MAF: variants seen among roughly 807,000 people sequenced by gnomAD.
MAF encodes the protein transcription factor Maf.
Under a neutral mutation model 22.0 loss-of-function variants are expected in MAF, and 10 were observed. The ratio of observed to expected loss-of-function variants is 0.45; its 90% CI spans 0.28 to 0.77. The LOEUF (loss-of-function observed/expected upper bound fraction) is 0.77, where lower values mean the gene tolerates loss of function less well. MAF is among the 30% of genes least tolerant of loss of function. The pLI, the probability that MAF is intolerant of heterozygous loss-of-function variation, is 0.12. For missense variants in MAF, 544 were observed against 548.4 expected, an observed-to-expected ratio of 0.99 and a Z score of 0.08; for synonymous variants, 337 against 255.8, an observed-to-expected ratio of 1.32 and a Z score of -3.03.
chr16:79,515,322 T>A, the MAF span, among the ~76,000 whole-genome samples: 1 of 152,236 alleles, frequency 6.6e-6, no homozygotes, highest in South Asian at 2.1e-4. Context: ...GTTCCACTTA[T>A]GGAATTTTTG....
the MAF span, among the ~76,000 whole-genome samples, chr16:79,386,768 T>G: frequency 1.3e-5 from 2 of 152,028 alleles, no homozygotes; most frequent in Non-Finnish European, 2.9e-5. Flanking sequence ...TGCTAGATGG[T>G]GAGATCCAAT....
the MAF span, among the ~76,000 whole-genome samples, chr16:79,572,957 G>C: frequency 6.6e-6 from 1 of 152,204 alleles, no homozygotes; most frequent in Admixed American, 6.5e-5. Flanking sequence ...TCACAATGGT[G>C]TATGGAGACT....
the MAF span, among the ~76,000 whole-genome samples, chr16:79,334,008 A>T: frequency 6.6e-6 from 1 of 152,258 alleles, no homozygotes; most frequent in African/African-American, 2.4e-5. Context: ...CCCATGAGAC[A>T]TCTCACTGTC....
At chr16:79,592,655 A>C (rs185105686), downstream of MAF, among the ~76,000 whole-genome samples, 29 of 152,318 alleles carry the variant, frequency 1.9e-4, no homozygotes, top group Non-Finnish European at 3.5e-4. Flanking sequence ...ACAAACTTCC[A>C]AGTTTCTCTT....
At chr16:79,408,017 G>T in the MAF span, among the ~76,000 whole-genome samples, 10 of 140,696 alleles carry the variant, frequency 7.1e-5, no homozygotes, top group Non-Finnish European at 1.4e-4. Flanking sequence ...TTTTACACAT[G>T]AAGAGGCGGG....
At chr16:79,369,243 T>G in the MAF span, among the ~76,000 whole-genome samples, 1 of 152,166 alleles carries the variant, frequency 6.6e-6, no homozygotes. Flanking sequence ...ATTAAATGAT[T>G]TGGGAGCCTT....
the MAF span, among the ~76,000 whole-genome samples, chr16:79,331,484 T>C: frequency 6.6e-6 from 1 of 152,232 alleles, no homozygotes; most frequent in Non-Finnish European, 1.5e-5. Context: ...CTTGATGTTA[T>C]GGACTTGGTT....
the MAF span, among the ~76,000 whole-genome samples, chr16:79,481,530 A>G: frequency 1.3e-5 from 2 of 151,626 alleles, no homozygotes; most frequent in African/African-American, 4.8e-5. Context: ...TCCATCCTCA[A>G]ATTCATCCAC....
chr16:79,511,124 T>C, the MAF span, among the ~76,000 whole-genome samples: 1 of 152,182 alleles, frequency 6.6e-6, no homozygotes, highest in Non-Finnish European at 1.5e-5. Flanking sequence ...GATTTTTCTC[T>C]GCCTTACTTC....
chr16:79,471,532 T>C, the MAF span, among the ~76,000 whole-genome samples: 1 of 152,078 alleles, frequency 6.6e-6, no homozygotes, highest in Non-Finnish European at 1.5e-5. Flanking sequence ...CAAAAATTAG[T>C]TGGGCATGGT....
the MAF span, among the ~76,000 whole-genome samples, chr16:79,344,109 C>T: frequency 6.6e-6 from 1 of 152,152 alleles, no homozygotes; most frequent in African/African-American, 2.4e-5. Context: ...CCTGACACTC[C>T]CTGGAAGATG....
At chr16:79,346,177 G>T in the MAF span, among the ~76,000 whole-genome samples, 2 of 139,428 alleles carry the variant, frequency 1.4e-5, no homozygotes, top group Non-Finnish European at 3.1e-5. Context: ...ATTCCTCCCC[G>T]CTCCCCCCAC....
the MAF span, among the ~76,000 whole-genome samples, chr16:79,541,862 GC>G: frequency 6.6e-6 from 1 of 151,892 alleles, no homozygotes; most frequent in Non-Finnish European, 1.5e-5. Flanking sequence ...TACCATGTTG[GC>G]CAGACTGGCC....
the MAF span, among the ~76,000 whole-genome samples, chr16:79,271,643 G>C: frequency 2.6e-5 from 4 of 152,136 alleles, no homozygotes; most frequent in Non-Finnish European, 5.9e-5. Flanking sequence ...AATAAAGACT[G>C]TTGATATTGA....
the MAF span, among the ~76,000 whole-genome samples, chr16:79,343,112 G>C: frequency 4.0e-4 from 61 of 152,282 alleles, no homozygotes; most frequent in African/African-American, 1.4e-3. Context: ...AAGCGAATGA[G>C]GTACAGGAGC....
At chr16:79,597,965 C>G (rs1006831500) in intron 1 of MAF, 3 of 1,043,444 alleles carry the variant, frequency 2.9e-6, no homozygotes, top group African/African-American at 1.7e-5. Context: ...GGCCAAAACT[C>G]ACAAGTCACA....
the MAF span, among the ~76,000 whole-genome samples, chr16:79,428,530 C>T: frequency 6.6e-6 from 1 of 152,074 alleles, no homozygotes; most frequent in Non-Finnish European, 1.5e-5. Flanking sequence ...GAAAGAGACT[C>T]TTCCTTCTTC....
chr16:79,474,471 G>A, the MAF span, among the ~76,000 whole-genome samples: 1 of 152,176 alleles, frequency 6.6e-6, no homozygotes, highest in African/African-American at 2.4e-5. Flanking sequence ...GTTAAAATCC[G>A]AGGCAAGGGG....
the MAF span, among the ~76,000 whole-genome samples, chr16:79,383,619 C>T: frequency 3.3e-5 from 5 of 152,178 alleles, no homozygotes; most frequent in Admixed American, 2.6e-4. Flanking sequence ...CTTGTAGCTA[C>T]TTAACCTTAT....
Sources: allele counts gnomAD v4.1 joint callset (sites outside exome capture counted in the v4.1 genomes callset), GRCh38; gene constraint gnomAD v4.1.1; transcripts MANE v1.5; gene names NCBI Gene and HGNC (gene_info 2026-07-23, HGNC 2026-07-21).